DPP6: variants seen among roughly 807,000 people sequenced by gnomAD.
The protein encoded by DPP6 is A-type potassium channel modulatory protein DPP6.
In DPP6, 69 loss-of-function variants were observed where a neutral mutation model predicts 122.6. The ratio of observed to expected loss-of-function variants is 0.56; its 90% CI spans 0.46 to 0.69. The LOEUF is 0.69. DPP6 is among the 30% of genes least tolerant of loss of function. The pLI is 0.00. For synonymous variants in DPP6, 418 were observed against 433.1 expected, an observed-to-expected ratio of 0.97 and a Z score of 0.43; for missense variants, 928 against 1,116.9, an observed-to-expected ratio of 0.83 and a Z score of 2.41.
At chr7:154,795,719 G>A in intron 11 of DPP6, 126 bp from the exon 12 acceptor site, 1 of 1,362,316 alleles carries the variant, frequency 7.3e-7, no homozygotes, top group Non-Finnish European at 1.0e-6. Flanking sequence ...TGCAATGCTT[G>A]TGCAGCGGCC....
Position 154,466,515 on chromosome 7 carries a change from C to T in DPP6, c.359-8424C>T, listed in dbSNP as rs1821798526. Reference sequence around the variant, plus strand: ...TCTCCCTGCTTTTTCTCTGTGAGTGCACATATGTGTGCCTGAAGAGAGGAA... The same window carrying T: ...TCTCCCTGCTTTTTCTCTGTGAGTGTACATATGTGTGCCTGAAGAGAGGAA... On this transcript the variant is annotated intron_variant, in intron 2 of 25. Coordinates refer to ENST00000377770, the MANE Select transcript of DPP6 (RefSeq NM_130797.4). Among the ~76,000 whole-genome samples the T allele has an allele frequency of 2.0e-5, 3 of 152,174 alleles. No individual in the cohort carries two copies. In the South Asian group the frequency reaches 6.2e-4, roughly 32 times the overall value.
chr7:153,793,087 G>A, the DPP6 span, among the ~76,000 whole-genome samples: 1 of 152,098 alleles, frequency 6.6e-6, no homozygotes, highest in African/African-American at 2.4e-5. Flanking sequence ...AACTAATGCG[G>A]TAAATTGATA....
In DPP6 at chr7:154,060,712, C is replaced by T. The variant is rs568658973; in HGVS notation, c.243+7649C>T. On this transcript the variant is annotated intron_variant, in intron 1 of 25. Transcript: ENST00000377770. ...CGCCCCTGGCTGTTAGTACCCCCAT[C>T]GCAGGGGGGGAGGCACCCCCCGCGA... Among the ~76,000 whole-genome samples the T allele has an allele frequency of 3.7e-5, 5 of 135,456 alleles. 1 individual carries two copies. The highest frequency in any genetic ancestry group is 7.3e-5 in the Admixed American group (1 of 13,782). 88.9% of individuals were successfully genotyped at this position (135,456 alleles called of 152,430 possible). A position where few individuals can be genotyped will look rare whatever the true frequency, so the allele number is the denominator to read the frequency against.
At chr7:154,122,425 C>G (rs1807543170) in intron 1 of DPP6, among the ~76,000 whole-genome samples, 1 of 152,164 alleles carries the variant, frequency 6.6e-6, no homozygotes, top group Non-Finnish European at 1.5e-5. Flanking sequence ...CTTGAAATGA[C>G]TTATTTTAAC....
intron 6 of DPP6, among the ~76,000 whole-genome samples, chr7:154,640,644 AT>A (rs1352348942): frequency 1.3e-5 from 2 of 152,194 alleles, no homozygotes; most frequent in African/African-American, 4.8e-5. Flanking sequence ...CCCCTTGGTC[AT>A]CACTGTCACC....
intron 1 of DPP6, among the ~76,000 whole-genome samples, chr7:154,425,604 A>AAATGTGTGTGTG (rs60604834): frequency 7.8e-6 from 1 of 128,236 alleles, no homozygotes; most frequent in African/African-American, 3.6e-5. Flanking sequence ...GGGGAAAAAA[A>AAATGTGTGTGTG]TGTGTGTGTG....
the DPP6 span, among the ~76,000 whole-genome samples, chr7:153,875,146 G>C: frequency 6.6e-6 from 1 of 152,160 alleles, no homozygotes; most frequent in African/African-American, 2.4e-5. Context: ...TATCTTTAAG[G>C]GGAAATAGAA....
intron 5 of DPP6, among the ~76,000 whole-genome samples, chr7:154,610,707 C>CTGTG (rs10525265): frequency 4.8e-4 from 59 of 122,084 alleles, no homozygotes; most frequent in African/African-American, 1.5e-3. Flanking sequence ...GTGTTGTTCT[C>CTGTG]TGTGTGTGTG....
chr7:154,482,511 A>G (rs974581750), intron 3 of DPP6, among the ~76,000 whole-genome samples: 3 of 152,210 alleles, frequency 2.0e-5, no homozygotes, highest in Non-Finnish European at 2.9e-5. Context: ...GATACTAAAA[A>G]TTACCTGTAA....
chr7:154,079,209 C>T (rs1220681029), intron 1 of DPP6, among the ~76,000 whole-genome samples: 1 of 152,200 alleles, frequency 6.6e-6, no homozygotes, highest in Non-Finnish European at 1.5e-5. Flanking sequence ...ACGAAAGTGC[C>T]TGGTCGTCTT....
At chr7:154,368,557 T>C (rs1812374473) in intron 1 of DPP6, among the ~76,000 whole-genome samples, 1 of 152,266 alleles carries the variant, frequency 6.6e-6, no homozygotes, top group African/African-American at 2.4e-5. Flanking sequence ...TGCATTGTTC[T>C]AGCATATCGT....
At chr7:153,848,693 A>G in the DPP6 span, among the ~76,000 whole-genome samples, 177 of 152,324 alleles carry the variant, frequency 1.2e-3, no homozygotes, top group African/African-American at 4.0e-3. Flanking sequence ...ATCATTATGA[A>G]ACCCAGAACG....
chr7:154,360,915 G>A (rs1031397361), intron 1 of DPP6, among the ~76,000 whole-genome samples: 4 of 152,134 alleles, frequency 2.6e-5, no homozygotes, highest in Non-Finnish European at 2.9e-5. Flanking sequence ...GCTGGATTCC[G>A]GGGGCTAATG....
intron 1 of DPP6, among the ~76,000 whole-genome samples, chr7:154,126,307 A>G (rs1244004325): frequency 6.6e-6 from 1 of 152,156 alleles, no homozygotes; most frequent in East Asian, 1.9e-4. Flanking sequence ...GGGGAAATCG[A>G]CCTTTAAGTA....
intron 1 of DPP6, among the ~76,000 whole-genome samples, chr7:153,917,799 G>C (rs1307898540): frequency 6.6e-6 from 1 of 152,108 alleles, no homozygotes; most frequent in Non-Finnish European, 1.5e-5. Flanking sequence ...ATTTCAAATT[G>C]CATCAGACTG....
At chr7:154,452,946 T>G (rs567051949) in intron 2 of DPP6, among the ~76,000 whole-genome samples, 1 of 152,364 alleles carries the variant, frequency 6.6e-6, no homozygotes, top group African/African-American at 2.4e-5. Context: ...CCCTTGCTGG[T>G]CCATGCTCTT....
At chr7:154,357,867 G>A (rs1472614690) in intron 1 of DPP6, among the ~76,000 whole-genome samples, 2 of 152,026 alleles carry the variant, frequency 1.3e-5, no homozygotes, top group East Asian at 1.9e-4. Context: ...ACCTGAACCC[G>A]GGAGGCAGAG....
At chr7:154,471,528 A>AC (rs1359010295) in intron 2 of DPP6, among the ~76,000 whole-genome samples, 2 of 151,982 alleles carry the variant, frequency 1.3e-5, no homozygotes, top group African/African-American at 4.8e-5. Context: ...AGATCACATC[A>AC]CCCATTTGGG....
At chr7:154,672,223 C>G (rs1838614414) in intron 7 of DPP6, among the ~76,000 whole-genome samples, 1 of 152,154 alleles carries the variant, frequency 6.6e-6, no homozygotes, top group South Asian at 2.1e-4. Context: ...TTGTAAGTCT[C>G]CTGAGGCCTC....
Sources: allele counts gnomAD v4.1 joint callset (sites outside exome capture counted in the v4.1 genomes callset), GRCh38; gene constraint gnomAD v4.1.1; transcripts MANE v1.5; gene names NCBI Gene and HGNC (gene_info 2026-07-23, HGNC 2026-07-21).